ZYG11B: variants seen among roughly 807,000 people sequenced by gnomAD.
The protein encoded by ZYG11B is zyg-11 family member B, cell cycle regulator.
In ZYG11B, 36 loss-of-function variants were observed where a neutral mutation model predicts 82.4. The observed-to-expected ratio is 0.44, with a 90% CI of 0.33 to 0.58. The LOEUF (loss-of-function observed/expected upper bound fraction) is 0.58. ZYG11B is among the 20% of genes least tolerant of loss of function. The pLI is 0.02. For missense variants in ZYG11B, 552 were observed against 895.6 expected, an observed-to-expected ratio of 0.62 and a Z score of 4.90; for synonymous variants, 303 against 312.8, an observed-to-expected ratio of 0.97 and a Z score of 0.33.
chr1:52,820,714 TAAAAAAAAA>T (rs34434230), intron 13 of ZYG11B, among the ~76,000 whole-genome samples: 2 of 27,232 alleles, frequency 7.3e-5, no homozygotes, highest in African/African-American at 2.5e-4. Flanking sequence ...AGACTGTCTT[TAAAAAAAAA>T]AAAAAAAAAA....
chr1:52,816,123 T>C (rs76292641), intron 12 of ZYG11B, among the ~76,000 whole-genome samples: 2,151 of 152,270 alleles, frequency 0.014, 58 homozygotes, highest in African/African-American at 0.05. Flanking sequence ...CTCCAACTTA[T>C]GTTCCACCTA....
chr1:52,821,690 A>G lies in ZYG11B; in HGVS notation c.*61A>G, dbSNP rs943555999. 2 of 1,488,892 alleles carry G rather than the reference A, an allele frequency of 1.3e-6. No individual in the cohort carries two copies. Among genetic ancestry groups the G allele is most frequent in the Non-Finnish European group, 9.1e-7 (1 of 1,094,040 alleles). 92.2% of individuals were successfully genotyped at this position (1,488,892 alleles called of 1,614,324 possible). A position where few individuals can be genotyped will look rare whatever the true frequency, so the allele number is the denominator to read the frequency against. ...CCTTTTTGTGATTGGTCCATTTGGA[A>G]TATCTTACCCTCCCTGATGTTTTGG... On this transcript the variant is annotated 3_prime_UTR_variant, in exon 14 of 14. Transcript: ENST00000294353.
chr1:52,726,660 G>A lies in ZYG11B; in HGVS notation c.7G>A (p.Glu3Lys). 1 of 1,478,216 alleles carries A rather than the reference G, an allele frequency of 6.8e-7. No individual in the cohort carries two copies. Among genetic ancestry groups the A allele is most frequent in the Non-Finnish European group, 8.9e-7 (1 of 1,121,492 alleles). The allele number at this position is 1,478,216 out of a possible 1,614,324, so 91.6% of individuals were successfully genotyped here. A position where few individuals can be genotyped will look rare whatever the true frequency, so the allele number is the denominator to read the frequency against. The change falls in exon 1 of 14, where the codon GAG (glutamate) becomes AAG (lysine). Residue 3 changes from glutamate (E) to lysine (K), a missense_variant. Glu to Lys is a moderately conservative substitution (Grantham distance 56). Transcript: ENST00000294353. ...CACCCAGGACGGAGGCTGCATGCCC[G>A]AGGACCAGGCCGGCGCAGCCATGGT... MPEDQAGAAMEEA... is the reference protein window; with the variant it reads MPKDQAGAAMEEA...
intron 10 of ZYG11B, among the ~76,000 whole-genome samples, chr1:52,802,372 G>C (rs1187554056): frequency 7.4e-6 from 1 of 135,566 alleles, no homozygotes; most frequent in African/African-American, 2.8e-5. Context: ...TTTTGAGACA[G>C]GGTCTCACTT....
intron 10 of ZYG11B, among the ~76,000 whole-genome samples, chr1:52,812,326 T>A (rs1458549731): frequency 6.6e-6 from 1 of 152,208 alleles, no homozygotes; most frequent in Admixed American, 6.5e-5. Flanking sequence ...TTATACTTTG[T>A]TCTTGCATGC....
At chr1:52,743,161 T>C (rs1442997729) in intron 1 of ZYG11B, among the ~76,000 whole-genome samples, 3 of 151,784 alleles carry the variant, frequency 2.0e-5, no homozygotes, top group South Asian at 2.1e-4. Context: ...TGTTGCTGTG[T>C]CTGTGTAGAG....
chr1:52,730,157 A>G (rs910132301), intron 1 of ZYG11B, among the ~76,000 whole-genome samples: 1 of 152,128 alleles, frequency 6.6e-6, no homozygotes, highest in Non-Finnish European at 1.5e-5. Flanking sequence ...TCTGTGAACC[A>G]CAATTTGAGA....
At chr1:52,755,496 C>T (rs1276307909) in intron 1 of ZYG11B, among the ~76,000 whole-genome samples, 2 of 151,870 alleles carry the variant, frequency 1.3e-5, no homozygotes, top group African/African-American at 4.8e-5. Context: ...TTAGGATAAG[C>T]TTGTCTTTTT....
At chr1:52,817,815 ATTTTTTTTTTTTTTTTTTTTTTTTT>A (rs1176871667) in intron 13 of ZYG11B, among the ~76,000 whole-genome samples, 5 of 27,686 alleles carry the variant, frequency 1.8e-4, no homozygotes, top group Admixed American at 7.9e-4. Context: ...ATATATATAT[ATTTTTTTTTTTTTTTTTTTTTTTTT>A]TTTTTTTTTT....
At chr1:52,749,043 A>G (rs1208165882) in intron 1 of ZYG11B, among the ~76,000 whole-genome samples, 2 of 151,852 alleles carry the variant, frequency 1.3e-5, no homozygotes, top group African/African-American at 4.8e-5. Context: ...TCTACTAAAA[A>G]TACAAAAAAA....
chr1:52,790,416 C>G (rs558529336), intron 6 of ZYG11B, among the ~76,000 whole-genome samples: 82 of 152,182 alleles, frequency 5.4e-4, no homozygotes, highest in African/African-American at 1.9e-3. Context: ...GGCTTTGTGT[C>G]TAATAACTGC....
At chr1:52,803,670 C>T (rs1335651145) in intron 10 of ZYG11B, among the ~76,000 whole-genome samples, 2 of 152,148 alleles carry the variant, frequency 1.3e-5, no homozygotes, top group African/African-American at 4.8e-5. Flanking sequence ...GGCACAATCA[C>T]GGCTCACTGC....
chr1:52,758,789 A>G (rs577738847), intron 2 of ZYG11B, among the ~76,000 whole-genome samples: 1 of 152,218 alleles, frequency 6.6e-6, no homozygotes, highest in South Asian at 2.1e-4. Context: ...AATTTTTCCA[A>G]CCTGTCATAG....
At chr1:52,803,539 A>G (rs1293699147) in intron 10 of ZYG11B, among the ~76,000 whole-genome samples, 3 of 151,452 alleles carry the variant, frequency 2.0e-5, no homozygotes, top group African/African-American at 7.3e-5. Context: ...AAAATATAAT[A>G]CGCATATGCT....
chr1:52,751,894 T>C (rs1464761774), intron 1 of ZYG11B, among the ~76,000 whole-genome samples: 1 of 151,918 alleles, frequency 6.6e-6, no homozygotes, highest in African/African-American at 2.4e-5. Context: ...CCAAACCATA[T>C]AGTAGGAGAA....
At chr1:52,740,025 T>C (rs551119789) in intron 1 of ZYG11B, among the ~76,000 whole-genome samples, 1 of 152,364 alleles carries the variant, frequency 6.6e-6, no homozygotes, top group East Asian at 1.9e-4. Flanking sequence ...TTGACTTTCC[T>C]AAGGTCACAC....
intron 1 of ZYG11B, among the ~76,000 whole-genome samples, chr1:52,727,467 C>T (rs911886363): frequency 2.0e-5 from 3 of 152,112 alleles, no homozygotes; most frequent in Non-Finnish European, 4.4e-5. Context: ...GAGATCTAGT[C>T]TTTTGACAGA....
intron 10 of ZYG11B, chr1:52,805,546 T>C: frequency 2.2e-6 from 1 of 454,568 alleles, no homozygotes; most frequent in Non-Finnish European, 4.4e-6. Context: ...TTTAAATATT[T>C]GTGGGTTGGG....
intron 1 of ZYG11B, among the ~76,000 whole-genome samples, chr1:52,729,648 T>C (rs1644313731): frequency 6.6e-6 from 1 of 152,220 alleles, no homozygotes; most frequent in East Asian, 1.9e-4. Flanking sequence ...GAGACCAGCC[T>C]GGCCAACATG....
Sources: allele counts gnomAD v4.1 joint callset (sites outside exome capture counted in the v4.1 genomes callset), GRCh38; gene constraint gnomAD v4.1.1; transcripts MANE v1.5; gene names NCBI Gene and HGNC (gene_info 2026-07-23, HGNC 2026-07-21).